The following AEBP1 variants were observed in gnomAD, a reference collection of about 807,000 sequenced individuals.
The protein encoded by AEBP1 is AE binding protein 1, also known as adipocyte enhancer-binding protein 1.
In AEBP1, 69 loss-of-function variants were observed where a neutral mutation model predicts 116.5. The observed-to-expected ratio is 0.59, with a 90% CI of 0.49 to 0.72. The LOEUF (loss-of-function observed/expected upper bound fraction) is 0.72. Ranked by LOEUF, AEBP1 falls within the 30% of genes least tolerant of loss-of-function variation. AEBP1 has a pLI of 0.00. For synonymous variants in AEBP1, 627 were observed against 627.3 expected (o/e 1.00, Z 0.01); for missense variants, 1,444 against 1,557.5 (o/e 0.93, Z 1.23).
chr7:44,111,218 C>T lies in AEBP1; in HGVS notation c.1695C>T (p.His565=), dbSNP rs1463383581. The T allele has an allele frequency of 2.0e-6, 3 of 1,516,150 alleles. No individual in the cohort carries two copies. The highest frequency in any genetic ancestry group is 2.7e-5 in the South Asian group (2 of 74,958). 93.9% of individuals were successfully genotyped at this position (1,516,150 alleles called of 1,614,324 possible). ...VATDDLDFRH[H]SYKDMRQLMK... ...CCGATGACCTGGATTTCCGGCACCA[C>T]AGCTACAAGGACATGCGCCAGGTTG... The change falls in exon 14 of 21, where the codon CAC becomes CAT. Residue 565 remains histidine, a synonymous_variant. Transcript: ENST00000223357. The surrounding 1 kb of genome is among the most constrained non-coding windows in gnomAD (Gnocchi z 4.7).
chr7:44,114,292 C>G lies in AEBP1; in HGVS notation c.*31C>G. The G allele has an allele frequency of 6.2e-7, 1 of 1,609,076 alleles. No homozygotes were observed. Among genetic ancestry groups the G allele is most frequent in the Non-Finnish European group, 8.5e-7 (1 of 1,176,126 alleles). ...GCGTCCTACCAAGACCCCAGCCCAA[C>G]TCAAGCTACAGCAGCAGCACTTCCC... is the stretch of plus-strand genomic sequence containing the variant. On this transcript the variant is annotated 3_prime_UTR_variant, in exon 21 of 21. Coordinates refer to ENST00000223357, the MANE Select transcript of AEBP1 (RefSeq NM_001129.5).
In AEBP1 at chr7:44,111,797, C is replaced by T. The variant is rs1318486350; in HGVS notation, c.1841-57C>T. Reference sequence around the variant, plus strand: ...GGTATGAGGTGGGTCTGGGTCCTTCCTCAGCTGCCCTGGGCCTCGGGAGAC... The same window carrying T: ...GGTATGAGGTGGGTCTGGGTCCTTCTTCAGCTGCCCTGGGCCTCGGGAGAC... On this transcript the variant is annotated intron_variant, in intron 15 of 20. Transcript: ENST00000223357. The surrounding 1 kb of genome is among the most constrained non-coding windows in gnomAD (Gnocchi z 4.7). 4.5e-6 allele frequency: 7 copies of T among 1,571,048 alleles called. No homozygotes were observed. Among genetic ancestry groups the T allele is most frequent in the Non-Finnish European group, 6.0e-6 (7 of 1,157,082 alleles).
Position 44,112,697 on chromosome 7 carries a change from C to T in AEBP1, c.2357C>T (p.Ala786Val). 1 of 1,613,238 alleles carries T rather than the reference C, an allele frequency of 6.2e-7. No individual in the cohort carries two copies. Among genetic ancestry groups the T allele is most frequent in the Admixed American group, 1.7e-5 (1 of 60,012 alleles). ...ACGCCTACCCAGGAGCAGCTGCTGG[C>T]CGCAGCCATGGCAGCAGCCCGGGGG... ...ARTPTQEQLL[A>V]AAMAAARGED... The change falls in exon 18 of 21, where the codon GCC (alanine) becomes GTC (valine). Residue 786 changes from alanine (A) to valine (V), a missense_variant. Coordinates refer to ENST00000223357, the MANE Select transcript of AEBP1 (RefSeq NM_001129.5). This position sits in a 1 kb window ranked among gnomAD's most constrained non-coding sequence, Gnocchi z 6.6.
chr7:44,112,103 G>T lies in AEBP1; in HGVS notation c.2038-39G>T, dbSNP rs1463261583. On this transcript the variant is annotated intron_variant, in intron 16 of 20. Coordinates refer to ENST00000223357, the MANE Select transcript of AEBP1 (RefSeq NM_001129.5). This position sits in a 1 kb window ranked among gnomAD's most constrained non-coding sequence, Gnocchi z 6.6. ...GTCCAGGCAGCTGGGGGTTGTGGGG[G>T]TGTGGGTAGCCGATGCCTACCCTGC... 11 of 1,601,618 alleles carry T rather than the reference G, an allele frequency of 6.9e-6. No homozygotes were observed. Among genetic ancestry groups the T allele is most frequent in the Non-Finnish European group, 9.4e-6 (11 of 1,170,678 alleles).
Position 44,109,154 on chromosome 7 carries a change from T to C in AEBP1, c.1066T>C (p.Trp356Arg), listed in dbSNP as rs2096226165. 1.2e-6 allele frequency: 2 copies of C among 1,613,622 alleles called. No individual in the cohort carries two copies. The highest frequency in any genetic ancestry group is 2.7e-5 in the African/African-American group (2 of 74,992). The change falls in exon 8 of 21, where the codon TGG (tryptophan) becomes CGG (arginine). Residue 356 changes from tryptophan (W) to arginine (R), a missense_variant. By Grantham distance (101) the Trp-to-Arg change is moderately radical (BLOSUM62 -3). Coordinates refer to ENST00000223357, the MANE Select transcript of AEBP1 (RefSeq NM_001129.5). ...DSSPKEETDK[W>R]AVEKGKDHKE... ...CAGCCCCAAGGAGGAGACCGACAAG[T>C]GGGCAGTGGAGAAGGGCAAGGACCA...
Position 44,113,190 on chromosome 7 carries a change from G to C in AEBP1, c.2709+60G>C. On this transcript the variant is annotated intron_variant, in intron 19 of 20. Transcript: ENST00000223357. The surrounding 1 kb of genome is among the most constrained non-coding windows in gnomAD (Gnocchi z 5.3). ...GCTGCACAGGCTCCTGGATGGGCGG[G>C]AGGGAGCAGCGGACCACATTGGACC... 3 of 1,613,298 alleles carry C rather than the reference G, an allele frequency of 1.9e-6. No homozygotes were observed. Among genetic ancestry groups the C allele is most frequent in the Non-Finnish European group, 2.5e-6 (3 of 1,179,562 alleles).
rs1272029894 is a variant in AEBP1, at chr7:44,111,784, G to T, written c.1841-70G>T. 3.9e-6 allele frequency: 6 copies of T among 1,554,716 alleles called. No homozygotes were observed. The highest frequency in any genetic ancestry group is 4.4e-6 in the Non-Finnish European group (5 of 1,147,554). On this transcript the variant is annotated intron_variant, in intron 15 of 20. Coordinates refer to ENST00000223357, the MANE Select transcript of AEBP1 (RefSeq NM_001129.5). This position sits in a 1 kb window ranked among gnomAD's most constrained non-coding sequence, Gnocchi z 4.7. ...CCCCAGACCCTCGGGTATGAGGTGGGTCTGGGTCCTTCCTCAGCTGCCCTG... is the reference window on the plus strand; with the variant it reads ...CCCCAGACCCTCGGGTATGAGGTGGTTCTGGGTCCTTCCTCAGCTGCCCTG...
chr7:44,108,276 C>A lies in AEBP1; in HGVS notation c.940+192C>A, dbSNP rs2096225242. ...CTGTCTCCTCTGCCCTCAGGCTGGT[C>A]TTTCCTTGGCCGCTTCCCTGGTTCC... On this transcript the variant is annotated intron_variant, in intron 6 of 20. Coordinates refer to ENST00000223357, the MANE Select transcript of AEBP1 (RefSeq NM_001129.5). This position sits in a 1 kb window ranked among gnomAD's most constrained non-coding sequence, Gnocchi z 5.0. 6.6e-6 allele frequency among the ~76,000 whole-genome samples: 1 copy of A among 152,220 alleles called. No individual in the cohort carries two copies. The highest frequency in any genetic ancestry group is 2.4e-5 in the African/African-American group (1 of 41,532).
chr7:44,113,969 G>C lies in AEBP1; in HGVS notation c.3185G>C (p.Ser1062Thr). The C allele has an allele frequency of 6.2e-7, 1 of 1,613,562 alleles. No individual in the cohort carries two copies. Among genetic ancestry groups the C allele is most frequent in the Non-Finnish European group, 8.5e-7 (1 of 1,179,736 alleles). Residue 1062 changes from serine (S) to threonine (T), a missense_variant, in exon 21 of 21, where the codon AGC becomes ACC. Transcript: ENST00000223357. This position sits in a 1 kb window ranked among gnomAD's most constrained non-coding sequence, Gnocchi z 5.3. ...TLPPAPATTL[S>T]TTIEPWGLIP... ...CCCCCTGCCCCTGCCACCACCCTGAGCACTACCATAGAGCCCTGGGGCCTC... is the reference window on the plus strand; with the variant it reads ...CCCCCTGCCCCTGCCACCACCCTGACCACTACCATAGAGCCCTGGGGCCTC...
chr7:44,109,370 T>TGGGGGCCCCAGGGGGGGGTGGGG, intron 9 of AEBP1, 29 bp downstream of exon 9: 1 of 450,206 alleles, frequency 2.2e-6, no homozygotes, highest in Non-Finnish European at 3.4e-6. Flanking sequence ...GGGGTGAGGG[T>TGGGGGCCCCAGGGGGGGGTGGGG]GGGGGCCACA....
chr7:44,110,857 AGGGGT>A, intron 12 of AEBP1, 48 bp downstream of exon 12: 1 of 1,611,800 alleles, frequency 6.2e-7, no homozygotes, highest in Non-Finnish European at 8.5e-7. Context: ...TGTCTGGGCG[AGGGGT>A]GGGCTCTCAG....
Position 44,111,373 on chromosome 7 carries a change from A to C in AEBP1, c.1716+134A>C. 7.1e-7 allele frequency: 1 copy of C among 1,415,122 alleles called. No individual in the cohort carries two copies. Among genetic ancestry groups the C allele is most frequent in the Non-Finnish European group, 9.4e-7 (1 of 1,068,398 alleles). The allele number at this position is 1,415,122 out of a possible 1,614,324, so 87.7% of individuals were successfully genotyped here. On this transcript the variant is annotated intron_variant, in intron 14 of 20. Transcript: ENST00000223357. The surrounding 1 kb of genome is among the most constrained non-coding windows in gnomAD (Gnocchi z 4.7). Reference sequence around the variant, plus strand: ...CTGGCTGTCCCTCACCTTAGGAAGGAGGCCAGTACCTGGGGGCTGCGTGAA... The same window carrying C: ...CTGGCTGTCCCTCACCTTAGGAAGGCGGCCAGTACCTGGGGGCTGCGTGAA...
intron 1 of AEBP1, chr7:44,106,276 G>T (rs1320544215): frequency 1.6e-6 from 1 of 633,578 alleles, no homozygotes; most frequent in Non-Finnish European, 2.9e-6. Flanking sequence ...GCAGGTGGGG[G>T]GATGAGGGCC....
Position 44,111,944 on chromosome 7 carries a change from G to GA in AEBP1, c.1932dup (p.Glu645ArgfsTer27). The GA allele has an allele frequency of 6.2e-7, 1 of 1,613,892 alleles. No homozygotes were observed. The highest frequency in any genetic ancestry group is 8.5e-7 in the Non-Finnish European group (1 of 1,180,032). ...CTGCTGCTCATGCAGTACCTGTGCC[G>GA]AGAGTACCGCGATGGGAACCCACGT... is the stretch of plus-strand genomic sequence containing the variant. On this transcript the variant is annotated frameshift_variant, in exon 16 of 21. Coordinates refer to ENST00000223357, the MANE Select transcript of AEBP1 (RefSeq NM_001129.5). LOFTEE classifies it high-confidence loss of function. This position sits in a 1 kb window ranked among gnomAD's most constrained non-coding sequence, Gnocchi z 4.7.
rs775944358 is a variant in AEBP1, at chr7:44,109,099, C to T, written c.1019-8C>T. 11 of 1,613,388 alleles carry T rather than the reference C, an allele frequency of 6.8e-6. No homozygotes were observed. In the East Asian group the frequency reaches 2.2e-4, roughly 33 times the overall value. ...GCTGACTGGCCCCTCCTACCTTGCA[C>T]CTTCCAGAGAAACCCAAAAAGGAGG... On this transcript the variant is annotated splice_region_variant and splice_polypyrimidine_tract_variant and intron_variant, in intron 7 of 20. Transcript: ENST00000223357.
chr7:44,114,178 GAGA>G lies in AEBP1; in HGVS notation c.3396_3398del (p.Lys1133del), dbSNP rs758448838. 23 of 1,583,904 alleles carry G rather than the reference GAGA, an allele frequency of 1.5e-5. No individual in the cohort carries two copies. The African/African-American group carries it at 2.0e-4, about 14-fold the overall frequency. On this transcript the variant is annotated inframe_deletion, in exon 21 of 21. Coordinates refer to ENST00000223357, the MANE Select transcript of AEBP1 (RefSeq NM_001129.5). ...CGAGTTTGAGGAAGAGGAGGAGGAG[GAGA>G]AAGAGGAGGAGATAGCCACTGGCCA... is the stretch of plus-strand genomic sequence containing the variant.
intron 9 of AEBP1, 87 bp downstream of exon 9, chr7:44,109,428 C>G: frequency 7.3e-7 from 1 of 1,373,130 alleles, no homozygotes; most frequent in East Asian, 2.4e-5. Flanking sequence ...ACAAACAGGA[C>G]CCAGGTCCCC....
Position 44,113,105 on chromosome 7 carries a change from A to G in AEBP1, c.2684A>G (p.Glu895Gly), listed in dbSNP as rs774974678. The G allele has an allele frequency of 2.5e-6, 4 of 1,613,906 alleles. No homozygotes were observed. Among genetic ancestry groups the G allele is most frequent in the Non-Finnish European group, 3.4e-6 (4 of 1,179,998 alleles). Reference sequence around the variant, plus strand: ...CCCCGCGAGTGGGAGAACAACAAGGAGGCGCTGCTCACCTTCATGGAGCAG... The same window carrying G: ...CCCCGCGAGTGGGAGAACAACAAGGGGGCGCTGCTCACCTTCATGGAGCAG... ...ELPREWENNK[E>G]ALLTFMEQVH... The change falls in exon 19 of 21, where the codon GAG becomes GGG. Residue 895 changes from glutamate (E) to glycine (G), a missense_variant. Glu to Gly is a moderately conservative substitution (Grantham distance 98, BLOSUM62 -2). Transcript: ENST00000223357. This position sits in a 1 kb window ranked among gnomAD's most constrained non-coding sequence, Gnocchi z 5.3.
At position 44,108,801 on chromosome 7, in the gene AEBP1, C is replaced by T. The variant is rs939517020; in HGVS notation, c.941-98C>T. ...GTCCCCCATCTCCCGTCCTCCTCCC[C>T]TCTGGCGCGGTCCTGTCCTGCTGAG... On this transcript the variant is annotated intron_variant, in intron 6 of 20. Transcript: ENST00000223357. The surrounding 1 kb of genome is among the most constrained non-coding windows in gnomAD (Gnocchi z 5.0). 4.1e-5 allele frequency: 46 copies of T among 1,135,564 alleles called. No homozygotes were observed. The highest frequency in any genetic ancestry group is 5.0e-5 in the Non-Finnish European group (39 of 781,180). 70.3% of individuals were successfully genotyped at this position (1,135,564 alleles called of 1,614,324 possible). A position where few individuals can be genotyped will look rare whatever the true frequency, so the allele number is the denominator to read the frequency against.
Sources: gnomAD v4.1 joint callset for allele counts (sites outside exome capture counted in the v4.1 genomes callset) on GRCh38, gnomAD v4.1.1 for gene constraint, Gnocchi (gnomAD v3.1) non-coding constraint, MANE v1.5 for transcripts, NCBI Gene and HGNC (gene_info 2026-07-23, HGNC 2026-07-21) for gene names.